The following GLIS1 variants were observed in gnomAD, a reference collection of about 807,000 sequenced individuals.
The protein encoded by GLIS1 is zinc finger protein GLIS1.
In GLIS1, 24 loss-of-function variants were observed where a neutral mutation model predicts 63.8. That is an observed-to-expected ratio of 0.38 (90% CI 0.27 to 0.53). The LOEUF is 0.53. GLIS1 is among the 20% of genes least tolerant of loss of function. GLIS1 has a pLI of 0.85. For synonymous variants in GLIS1, 450 were observed against 482.5 expected (o/e 0.93, Z 0.88); for missense variants, 1,036 against 1,074.1 (o/e 0.96, Z 0.50).
intron 2 of GLIS1, among the ~76,000 whole-genome samples, chr1:53,686,964 C>G (rs949220255): frequency 2.0e-5 from 3 of 152,098 alleles, no homozygotes; most frequent in Admixed American, 1.3e-4. Flanking sequence ...CTTTCTTTGC[C>G]CTGGTACACA....
chr1:53,578,326 C>A (rs1417496025), intron 4 of GLIS1, among the ~76,000 whole-genome samples: 1 of 152,354 alleles, frequency 6.6e-6, no homozygotes, highest in South Asian at 2.1e-4. Context: ...CAGCACCACA[C>A]AGACTAGGAC....
intron 2 of GLIS1, among the ~76,000 whole-genome samples, chr1:53,712,051 T>G (rs894635153): frequency 5.3e-5 from 8 of 152,202 alleles, no homozygotes; most frequent in East Asian, 1.9e-4. Context: ...AAGTCCAATC[T>G]TCTTTTCTGG....
chr1:53,711,329 C>T (rs770823320), intron 2 of GLIS1, among the ~76,000 whole-genome samples: 1 of 152,202 alleles, frequency 6.6e-6, no homozygotes, highest in Non-Finnish European at 1.5e-5. Context: ...TATCATTACA[C>T]AGTGTACACA....
intron 4 of GLIS1, among the ~76,000 whole-genome samples, chr1:53,534,979 AAC>A (rs1644568418): frequency 6.6e-6 from 1 of 152,038 alleles, no homozygotes; most frequent in African/African-American, 2.4e-5. Context: ...AGGGGCTAGA[AAC>A]ACAGAGCCAG....
intron 4 of GLIS1, among the ~76,000 whole-genome samples, chr1:53,556,937 G>T (rs943592829): frequency 4.7e-5 from 7 of 147,870 alleles, no homozygotes; most frequent in African/African-American, 1.5e-4. Context: ...TGTACTGCAG[G>T]TATGTGTGTG....
intron 4 of GLIS1, among the ~76,000 whole-genome samples, chr1:53,586,307 C>T (rs1447934305): frequency 6.6e-6 from 1 of 152,164 alleles, no homozygotes; most frequent in Non-Finnish European, 1.5e-5. Context: ...TAAACACTGT[C>T]TACTGCAGAC....
intron 2 of GLIS1, among the ~76,000 whole-genome samples, chr1:53,618,205 C>T (rs1462154479): frequency 6.6e-6 from 1 of 152,230 alleles, no homozygotes; most frequent in African/African-American, 2.4e-5. Flanking sequence ...CAACCCTTGC[C>T]CATCCCAAAA....
chr1:53,528,288 C>T (rs1644492942), intron 5 of GLIS1, among the ~76,000 whole-genome samples: 1 of 152,188 alleles, frequency 6.6e-6, no homozygotes, highest in East Asian at 1.9e-4. Flanking sequence ...CCTTCCTTGC[C>T]ACCCTCACCC....
chr1:53,653,465 C>G (rs1374761043), intron 2 of GLIS1, among the ~76,000 whole-genome samples: 2 of 152,168 alleles, frequency 1.3e-5, no homozygotes, highest in Non-Finnish European at 2.9e-5. Flanking sequence ...GTCTATTTCT[C>G]TCTGTCTGCG....
chr1:53,547,844 G>C (rs533388644), intron 4 of GLIS1, among the ~76,000 whole-genome samples: 30 of 152,298 alleles, frequency 2.0e-4, no homozygotes, highest in African/African-American at 7.0e-4. Flanking sequence ...TCATAAAGTC[G>C]ATTTCCATTT....
At chr1:53,541,541 G>A (rs1157826247) in intron 4 of GLIS1, among the ~76,000 whole-genome samples, 7 of 152,280 alleles carry the variant, frequency 4.6e-5, no homozygotes, top group Admixed American at 6.5e-5. Context: ...TGGGCACTTA[G>A]TAAAGGTAGA....
chr1:53,738,117 G>C lies in GLIS1; in HGVS notation c.-42-11C>G. The C allele has an allele frequency of 8.2e-7, 1 of 1,218,196 alleles. No individual in the cohort carries two copies. The highest frequency in any genetic ancestry group is 4.2e-5 in the Admixed American group (1 of 23,570). 75.5% of individuals were successfully genotyped at this position (1,218,196 alleles called of 1,614,324 possible). On this transcript the variant is annotated splice_polypyrimidine_tract_variant and intron_variant, in intron 1 of 10. Transcript: ENST00000628545. ...GGTCGCGCCGGGCTCCTGGGGAGGG[G>C]AGACAGCACAGCCAGTTAGAATGCG... is the stretch of plus-strand genomic sequence containing the variant.
chr1:53,529,707 G>A (rs1362706014), intron 5 of GLIS1, 84 bp downstream of exon 5: 3 of 1,417,656 alleles, frequency 2.1e-6, no homozygotes, highest in South Asian at 2.5e-5. Flanking sequence ...GGGCTACAGG[G>A]TAAGGCAGGG....
At chr1:53,507,990 CG>C (rs1438199401) in intron 10 of GLIS1, among the ~76,000 whole-genome samples, 1 of 151,852 alleles carries the variant, frequency 6.6e-6, no homozygotes, top group Non-Finnish European at 1.5e-5. Flanking sequence ...ACGTCTATCC[CG>C]CGTGGACACG....
At chr1:53,510,354 G>C (rs1644286729) in intron 8 of GLIS1, among the ~76,000 whole-genome samples, 1 of 152,220 alleles carries the variant, frequency 6.6e-6, no homozygotes, top group African/African-American at 2.4e-5. Context: ...CAATGTCTCT[G>C]AGCCCTGGTT....
In GLIS1 at chr1:53,560,020, T is replaced by C. The variant is rs373183833; in HGVS notation, c.1321-30068A>G. Reference sequence around the variant, plus strand: ...AAGGTCCAACTCAAGTGCTTCCTCCTCTGGGAAGTGCTCCCTGACTTCCCA... The same window carrying C: ...AAGGTCCAACTCAAGTGCTTCCTCCCCTGGGAAGTGCTCCCTGACTTCCCA... On this transcript the variant is annotated intron_variant, in intron 4 of 10. Coordinates refer to ENST00000628545, the MANE Select transcript of GLIS1 (RefSeq NM_001367484.1). The surrounding 1 kb of genome is among the most constrained non-coding windows in gnomAD (Gnocchi z 4.4). 9.9e-5 allele frequency among the ~76,000 whole-genome samples: 15 copies of C among 152,270 alleles called. No individual in the cohort carries two copies. In the South Asian group the frequency reaches 1.7e-3, roughly 17 times the overall value.
chr1:53,651,078 C>T (rs1416876495), intron 2 of GLIS1, among the ~76,000 whole-genome samples: 6 of 152,166 alleles, frequency 3.9e-5, no homozygotes, highest in Non-Finnish European at 5.9e-5. Context: ...TCTGTCACCA[C>T]GACAGTAAAA....
intron 4 of GLIS1, among the ~76,000 whole-genome samples, chr1:53,571,582 A>ATT (rs35819074): frequency 0.03 from 4,499 of 148,530 alleles, 109 homozygotes; most frequent in African/African-American, 0.061. Context: ...ATGGATAAAA[A>ATT]TTTTTTTTTT....
chr1:53,572,920 T>C (rs1415174782), intron 4 of GLIS1, among the ~76,000 whole-genome samples: 3 of 152,216 alleles, frequency 2.0e-5, no homozygotes, highest in East Asian at 3.9e-4. Context: ...GCTTCACTGC[T>C]TGGGCTTGAG....
Sources: allele counts gnomAD v4.1 joint callset (sites outside exome capture counted in the v4.1 genomes callset), GRCh38; gene constraint gnomAD v4.1.1; non-coding constraint Gnocchi (gnomAD v3.1); transcripts MANE v1.5; gene names NCBI Gene and HGNC (gene_info 2026-07-23, HGNC 2026-07-21).